The following GRID1 variants were observed in gnomAD, a reference collection of about 807,000 sequenced individuals.
GRID1 encodes glutamate ionotropic receptor delta type subunit 1.
In GRID1, 28 loss-of-function variants were observed where a neutral mutation model predicts 98.0. The observed-to-expected ratio is 0.29, with a 90% CI of 0.21 to 0.39. The LOEUF (loss-of-function observed/expected upper bound fraction) is 0.39, where lower values mean the gene tolerates loss of function less well. Among genes scored for constraint, GRID1 ranks in the 10% least tolerant of loss-of-function variants. GRID1 has a pLI of 1.00. For missense variants in GRID1, 1,111 were observed against 1,340.5 expected (o/e 0.83, Z 2.67); for synonymous variants, 553 against 538.5 (o/e 1.03, Z -0.37).
intron 4 of GRID1, among the ~76,000 whole-genome samples, chr10:86,109,802 G>A (rs1844448955): frequency 1.3e-5 from 2 of 152,100 alleles, no homozygotes; most frequent in African/African-American, 4.8e-5. Flanking sequence ...GGGCTTTCAA[G>A]AGCTGGAACT....
chr10:85,879,100 G>A (rs1198008927), intron 5 of GRID1, among the ~76,000 whole-genome samples: 7 of 152,198 alleles, frequency 4.6e-5, no homozygotes, highest in Non-Finnish European at 1.0e-4. Context: ...ACCCAATACA[G>A]GAGCATCCAG....
intron 8 of GRID1, among the ~76,000 whole-genome samples, chr10:85,768,757 AG>A (rs1442138704): frequency 1.3e-5 from 2 of 152,250 alleles, no homozygotes; most frequent in Non-Finnish European, 2.9e-5. Context: ...CAAGGCTATA[AG>A]GAAATTGGAA....
At chr10:85,920,438 C>A (rs1273007348) in intron 4 of GRID1, among the ~76,000 whole-genome samples, 1 of 152,008 alleles carries the variant, frequency 6.6e-6, no homozygotes, top group Admixed American at 6.6e-5. Flanking sequence ...GTGCATAATC[C>A]CTCATTCCTT....
At chr10:86,202,083 A>T (rs1845961592) in intron 3 of GRID1, among the ~76,000 whole-genome samples, 1 of 152,224 alleles carries the variant, frequency 6.6e-6, no homozygotes, top group African/African-American at 2.4e-5. Context: ...ACTCAAACAG[A>T]GCCCTGATGT....
intron 2 of GRID1, among the ~76,000 whole-genome samples, chr10:86,340,120 G>C (rs1848289228): frequency 6.6e-6 from 1 of 152,102 alleles, no homozygotes. Context: ...GCAGTTGGGA[G>C]GCTCCAGGGG....
intron 13 of GRID1, among the ~76,000 whole-genome samples, chr10:85,628,164 GGTAT>G (rs1415973844): frequency 2.0e-5 from 3 of 151,760 alleles, no homozygotes; most frequent in Non-Finnish European, 4.4e-5. Flanking sequence ...AGTGTCTATA[GGTAT>G]GTATTTATGT....
chr10:86,185,753 C>A (rs964391150), intron 3 of GRID1, among the ~76,000 whole-genome samples: 1 of 152,144 alleles, frequency 6.6e-6, no homozygotes, highest in African/African-American at 2.4e-5. Context: ...TGGTGAATTA[C>A]GTCACTTGAT....
intron 13 of GRID1, among the ~76,000 whole-genome samples, chr10:85,626,106 C>G (rs78560430): frequency 0.079 from 12,102 of 152,234 alleles, 639 homozygotes; most frequent in Non-Finnish European, 0.11. Context: ...GCCTGTAGTG[C>G]CAGGTGCAGG....
intron 5 of GRID1, among the ~76,000 whole-genome samples, chr10:85,877,062 C>G (rs1843340813): frequency 6.6e-6 from 1 of 152,224 alleles, no homozygotes; most frequent in Non-Finnish European, 1.5e-5. Context: ...GGGAGGGGCG[C>G]CTGCCATTGC....
intron 8 of GRID1, among the ~76,000 whole-genome samples, chr10:85,778,386 T>C (rs1047263537): frequency 3.3e-5 from 5 of 152,100 alleles, no homozygotes; most frequent in Non-Finnish European, 7.4e-5. Flanking sequence ...TTGAATGAAG[T>C]GTCACTGGGA....
At chr10:85,897,678 T>C (rs1283346893) in intron 5 of GRID1, among the ~76,000 whole-genome samples, 3 of 152,202 alleles carry the variant, frequency 2.0e-5, no homozygotes, top group Non-Finnish European at 4.4e-5. Context: ...TATGTATACA[T>C]TGTGGATTGG....
At chr10:86,166,165 C>A (rs1845395613) in intron 3 of GRID1, among the ~76,000 whole-genome samples, 1 of 152,046 alleles carries the variant, frequency 6.6e-6, no homozygotes, top group African/African-American at 2.4e-5. Context: ...GCACAACATG[C>A]AGGTTTGTTA....
chr10:86,044,315 T>C (rs944635137), intron 4 of GRID1, among the ~76,000 whole-genome samples: 1 of 152,248 alleles, frequency 6.6e-6, no homozygotes, highest in Non-Finnish European at 1.5e-5. Flanking sequence ...TTGCTAATCA[T>C]AGCACATAAA....
At chr10:85,646,058 C>CT (rs1435555744) in intron 13 of GRID1, 1 of 153,460 alleles carries the variant, frequency 6.5e-6, no homozygotes, top group African/African-American at 2.4e-5. Flanking sequence ...CCACTGCTCT[C>CT]TGCAGGAAGG....
chr10:85,842,029 G>A (rs1345017541), intron 8 of GRID1, among the ~76,000 whole-genome samples: 3 of 152,044 alleles, frequency 2.0e-5, no homozygotes, highest in Non-Finnish European at 2.9e-5. Flanking sequence ...GCATGTGTAT[G>A]TTCACTACAG....
chr10:85,914,091 C>G (rs1841577259), intron 5 of GRID1, among the ~76,000 whole-genome samples: 1 of 152,176 alleles, frequency 6.6e-6, no homozygotes, highest in South Asian at 2.1e-4. Flanking sequence ...TTCCAGCTGC[C>G]CCAGTAATGC....
At chr10:85,982,650 C>A (rs764987038) in intron 4 of GRID1, among the ~76,000 whole-genome samples, 3 of 152,192 alleles carry the variant, frequency 2.0e-5, no homozygotes, top group Non-Finnish European at 4.4e-5. Flanking sequence ...TTCCTCTATA[C>A]AGTGAGAGCA....
intron 12 of GRID1, among the ~76,000 whole-genome samples, chr10:85,695,525 T>C (rs1437161214): frequency 2.2e-4 from 33 of 152,224 alleles, no homozygotes; most frequent in Admixed American, 2.2e-3. Context: ...TGAATCTCAC[T>C]GTTCAAAGTG....
intron 2 of GRID1, among the ~76,000 whole-genome samples, chr10:86,328,228 A>G (rs1316861543): frequency 1.3e-5 from 2 of 152,238 alleles, no homozygotes; most frequent in African/African-American, 2.4e-5. Context: ...TGTAGGTTAC[A>G]TTTCTCTAAA....
Sources: allele counts gnomAD v4.1 joint callset (sites outside exome capture counted in the v4.1 genomes callset), GRCh38; gene constraint gnomAD v4.1.1; transcripts MANE v1.5; gene names NCBI Gene and HGNC (gene_info 2026-07-23, HGNC 2026-07-21).